ATP8B1: variants seen among roughly 807,000 people sequenced by gnomAD.
The protein encoded by ATP8B1 is phospholipid-transporting ATPase IC.
Under a neutral mutation model 149.9 loss-of-function variants are expected in ATP8B1, and 80 were observed. That is an observed-to-expected ratio of 0.53 (90% confidence interval 0.45 to 0.64). The LOEUF (loss-of-function observed/expected upper bound fraction) is 0.64. Ranked by LOEUF, ATP8B1 falls within the 30% of genes least tolerant of loss-of-function variation. ATP8B1 has a pLI of 0.00. For synonymous variants in ATP8B1, 536 were observed against 562.8 expected (o/e 0.95, Z 0.67); for missense variants, 1,247 against 1,552.6 (o/e 0.80, Z 3.31).
chr18:57,686,953 C>T (rs969048807), intron 13 of ATP8B1, among the ~76,000 whole-genome samples: 1 of 152,202 alleles, frequency 6.6e-6, no homozygotes, highest in African/African-American at 2.4e-5. Context: ...AAGGGATCTT[C>T]CTGCCTCAGT....
intron 1 of ATP8B1, chr18:57,737,930 G>A (rs1475992296): frequency 1.3e-5 from 2 of 152,350 alleles, no homozygotes; most frequent in African/African-American, 2.4e-5. Context: ...AGCAGGAGCA[G>A]GGAGCTCTCC....
chr18:57,755,718 C>A (rs1240703090), intron 1 of ATP8B1, among the ~76,000 whole-genome samples: 6 of 152,098 alleles, frequency 3.9e-5, no homozygotes, highest in Non-Finnish European at 5.9e-5. Context: ...GTTTAAAAAG[C>A]GGTTAGAGGT....
At chr18:57,745,220 T>C (rs529244166) in intron 1 of ATP8B1, among the ~76,000 whole-genome samples, 1 of 152,292 alleles carries the variant, frequency 6.6e-6, no homozygotes, top group African/African-American at 2.4e-5. Context: ...AATCACCTCA[T>C]TTACAGAGCC....
At chr18:57,768,405 AAAAAAG>A (rs2080235254) in intron 1 of ATP8B1, among the ~76,000 whole-genome samples, 1 of 140,656 alleles carries the variant, frequency 7.1e-6, no homozygotes, top group African/African-American at 2.5e-5. Flanking sequence ...AAAAAAAAAA[AAAAAAG>A]AAAAGAAAAG....
chr18:57,771,988 A>T (rs560762445), intron 1 of ATP8B1, among the ~76,000 whole-genome samples: 1 of 152,320 alleles, frequency 6.6e-6, no homozygotes, highest in South Asian at 2.1e-4. Context: ...CTCCTAAAAA[A>T]CATGTTATGT....
chr18:57,685,916 G>A (rs1912214928), intron 13 of ATP8B1, among the ~76,000 whole-genome samples: 2 of 150,452 alleles, frequency 1.3e-5, no homozygotes, highest in Admixed American at 6.6e-5. Flanking sequence ...GGGCGACAGA[G>A]TGAGACTCTG....
chr18:57,756,242 T>A (rs866343565), intron 1 of ATP8B1, among the ~76,000 whole-genome samples: 4 of 113,132 alleles, frequency 3.5e-5, no homozygotes, highest in Non-Finnish European at 7.6e-5. Flanking sequence ...CACACATATA[T>A]ACACACACAC....
intron 24 of ATP8B1, 149 bp downstream of exon 24, chr18:57,653,843 C>G: frequency 1.3e-6 from 1 of 783,336 alleles, no homozygotes; most frequent in South Asian, 1.5e-5. Flanking sequence ...GAAGCACAGC[C>G]ATGACCCTTG....
intron 15 of ATP8B1, among the ~76,000 whole-genome samples, chr18:57,678,946 T>C (rs1252838742): frequency 1.2e-5 from 1 of 83,568 alleles, no homozygotes; most frequent in Non-Finnish European, 2.4e-5. Flanking sequence ...AAGAGTGTGG[T>C]GTTGATGGTA....
rs753017964 is a variant in ATP8B1 at position 57,784,870 on chromosome 18, A to T, written c.-26+18128T>A. Among the ~76,000 whole-genome samples the T allele has an allele frequency of 6.6e-6, 1 of 152,172 alleles. No homozygotes were observed. Among genetic ancestry groups the T allele is most frequent in the African/African-American group, 2.4e-5 (1 of 41,450 alleles). ...TTTAGAAGTATCCCTGGCCTTGACC[A>T]CTGGACGCTTGTAGCATCCTGAATT... On this transcript the variant is annotated intron_variant, in intron 1 of 27. Transcript: ENST00000648908. This position sits in a 1 kb window ranked among gnomAD's most constrained non-coding sequence, Gnocchi z 4.4.
At chr18:57,689,529 A>G (rs1006630320) in intron 12 of ATP8B1, among the ~76,000 whole-genome samples, 11 of 152,288 alleles carry the variant, frequency 7.2e-5, no homozygotes, top group African/African-American at 2.6e-4. Flanking sequence ...TGGAAAAATG[A>G]TGCTCTCCCC....
intron 1 of ATP8B1, among the ~76,000 whole-genome samples, chr18:57,782,089 C>T (rs2080362103): frequency 6.6e-6 from 1 of 152,218 alleles, no homozygotes; most frequent in Admixed American, 6.5e-5. Context: ...CCTAACCCAG[C>T]CTGGGAAGCA....
intron 22 of ATP8B1, among the ~76,000 whole-genome samples, chr18:57,659,078 C>A (rs926192498): frequency 6.6e-6 from 1 of 151,986 alleles, no homozygotes; most frequent in African/African-American, 2.4e-5. Flanking sequence ...GAGTTCAAGA[C>A]CAGCCTGAGC....
At chr18:57,657,549 C>G (rs1910087690) in intron 22 of ATP8B1, among the ~76,000 whole-genome samples, 1 of 152,184 alleles carries the variant, frequency 6.6e-6, no homozygotes, top group Admixed American at 6.5e-5. Context: ...CAAAACATAA[C>G]TGTAGTGATG....
intron 20 of ATP8B1, among the ~76,000 whole-genome samples, chr18:57,663,308 C>A (rs1384954451): frequency 6.6e-6 from 1 of 152,092 alleles, no homozygotes; most frequent in African/African-American, 2.4e-5. Context: ...GTGGAAGCAC[C>A]ACATTCTGTT....
intron 1 of ATP8B1, among the ~76,000 whole-genome samples, chr18:57,732,426 G>T (rs930059156): frequency 9.3e-5 from 14 of 150,314 alleles, no homozygotes; most frequent in Non-Finnish European, 2.9e-5. Flanking sequence ...AATTTAGTGG[G>T]TAACAATCAA....
chr18:57,735,675 CT>C (rs1256252307), intron 1 of ATP8B1: 18 of 152,186 alleles, frequency 1.2e-4, no homozygotes, highest in Admixed American at 6.5e-4. Context: ...AGTACGTATA[CT>C]TTCATGGTTT....
Position 57,652,536 on chromosome 18 carries a change from T to C in ATP8B1, c.3209A>G (p.Gln1070Arg). Residue 1070 changes from glutamine (Q) to arginine (R), a missense_variant, in exon 25 of 28, where the codon CAG becomes CGG. Gln to Arg is a conservative substitution (Grantham distance 43, BLOSUM62 1). Coordinates refer to ENST00000648908, the MANE Select transcript of ATP8B1 (RefSeq NM_001374385.1). Reference sequence around the variant, plus strand: ...AGAGGCAATGGTGACGGCAAAAGACTGGTAGTCGGAAGGTGCCTCTCCATC... The same window carrying C: ...AGAGGCAATGGTGACGGCAAAAGACCGGTAGTCGGAAGGTGCCTCTCCATC... ...GQDGEAPSDY[Q>R]SFAVTIASAL... The C allele has an allele frequency of 6.2e-7, 1 of 1,614,210 alleles. No homozygotes were observed. Among genetic ancestry groups the C allele is most frequent in the Non-Finnish European group, 8.5e-7 (1 of 1,180,042 alleles).
chr18:57,750,262 A>G (rs1284683797), intron 1 of ATP8B1, among the ~76,000 whole-genome samples: 5 of 152,172 alleles, frequency 3.3e-5, no homozygotes, highest in African/African-American at 1.2e-4. Flanking sequence ...AAAAGAATAA[A>G]CTAGGGGTTT....
Sources: allele counts gnomAD v4.1 joint callset (sites outside exome capture counted in the v4.1 genomes callset), GRCh38; gene constraint gnomAD v4.1.1; non-coding constraint Gnocchi (gnomAD v3.1); transcripts MANE v1.5; gene names NCBI Gene and HGNC (gene_info 2026-07-23, HGNC 2026-07-21).